LRP12: variants seen among roughly 807,000 people sequenced by gnomAD.
LRP12 encodes low-density lipoprotein receptor-related protein 12.
LRP12 carries 14 observed loss-of-function variants against 66.0 expected under a neutral mutation model. The observed-to-expected ratio is 0.21, with a 90% CI of 0.14 to 0.33. LRP12 has a LOEUF of 0.33. Among genes scored for constraint, LRP12 ranks in the 10% least tolerant of loss-of-function variants. LRP12 has a pLI of 1.00. For missense variants in LRP12, 889 were observed against 1,053.4 expected (o/e 0.84, Z 2.16); for synonymous variants, 357 against 359.1 (o/e 0.99, Z 0.07).
chr8:104,533,390 A>C (rs971835861), intron 1 of LRP12, among the ~76,000 whole-genome samples: 3 of 152,136 alleles, frequency 2.0e-5, no homozygotes, highest in Non-Finnish European at 4.4e-5. Context: ...AGGTCAGTAT[A>C]AACTGCCTAA....
chr8:104,583,165 T>A (rs1424523604), intron 1 of LRP12, among the ~76,000 whole-genome samples: 1 of 152,170 alleles, frequency 6.6e-6, no homozygotes, highest in Non-Finnish European at 1.5e-5. Context: ...ATACTCCACA[T>A]AGTAGCAAAT....
intron 2 of LRP12, among the ~76,000 whole-genome samples, chr8:104,527,680 T>G (rs1006297368): frequency 6.6e-6 from 1 of 151,908 alleles, no homozygotes; most frequent in Non-Finnish European, 1.5e-5. Flanking sequence ...TGGGGACTGT[T>G]GTGGGGTAAG....
intron 1 of LRP12, among the ~76,000 whole-genome samples, chr8:104,533,350 T>C (rs1052740327): frequency 9.9e-5 from 15 of 152,124 alleles, no homozygotes; most frequent in African/African-American, 3.4e-4. Flanking sequence ...ATGAAACTGA[T>C]TCAATAAAAC....
At chr8:104,504,499 C>A (rs946848388) in intron 3 of LRP12, 21 of 152,078 alleles carry the variant, frequency 1.4e-4, no homozygotes, top group Non-Finnish European at 1.3e-4. Context: ...ATATGTATTA[C>A]TTTCACTATG....
chr8:104,558,374 A>G (rs1459097107), intron 1 of LRP12, among the ~76,000 whole-genome samples: 1 of 152,206 alleles, frequency 6.6e-6, no homozygotes, highest in Non-Finnish European at 1.5e-5. Context: ...TCTATTCAAC[A>G]AATGATGCTG....
At chr8:104,498,791 CTTATTA>C (rs200171551) in intron 4 of LRP12, among the ~76,000 whole-genome samples, 258 of 152,228 alleles carry the variant, frequency 1.7e-3, no homozygotes, top group African/African-American at 5.9e-3. Context: ...TTGTTAAATA[CTTATTA>C]TTATTCCATG....
rs542276833 is a variant in LRP12, at chr8:104,554,260, T to A, written c.80-22297A>T. Among the ~76,000 whole-genome samples, 9 of 152,248 alleles carry A rather than the reference T, an allele frequency of 5.9e-5. No individual in the cohort carries two copies. In the East Asian group the frequency reaches 1.5e-3, roughly 26 times the overall value. On this transcript the variant is annotated intron_variant, in intron 1 of 6. Coordinates refer to ENST00000276654, the MANE Select transcript of LRP12 (RefSeq NM_013437.5). ...ATCACACTAGCTCACCAGCAATGGA[T>A]CCAAACCAAGAAGAAATCTCTGACT...
chr8:104,551,692 G>A (rs1811727563), intron 1 of LRP12, among the ~76,000 whole-genome samples: 1 of 152,098 alleles, frequency 6.6e-6, no homozygotes, highest in Non-Finnish European at 1.5e-5. Context: ...TCATGATTTT[G>A]TTCTTTATGG....
chr8:104,555,358 T>G (rs970713030), intron 1 of LRP12, among the ~76,000 whole-genome samples: 1 of 152,092 alleles, frequency 6.6e-6, no homozygotes, highest in Non-Finnish European at 1.5e-5. Flanking sequence ...AATCCTCCAC[T>G]TAGAAGACAT....
intron 3 of LRP12, 113 bp from the exon 4 acceptor site, chr8:104,499,632 G>A: frequency 9.6e-6 from 6 of 624,534 alleles, no homozygotes; most frequent in Non-Finnish European, 1.6e-5. Context: ...TGATTCTCCT[G>A]GGTTTTCTAG....
At chr8:104,585,092 CA>C (rs112737980) in intron 1 of LRP12, among the ~76,000 whole-genome samples, 2,567 of 152,312 alleles carry the variant, frequency 0.017, 71 homozygotes, top group African/African-American at 0.058. Context: ...TATCACAAGT[CA>C]ATCAGTATAT....
chr8:104,527,231 G>A (rs1207608628), intron 2 of LRP12, among the ~76,000 whole-genome samples: 1 of 143,040 alleles, frequency 7.0e-6, no homozygotes, highest in Non-Finnish European at 1.5e-5. Flanking sequence ...TACACTGTTG[G>A]TGGGACTGTA....
intron 1 of LRP12, among the ~76,000 whole-genome samples, chr8:104,541,562 T>C (rs1014583489): frequency 2.6e-5 from 4 of 152,222 alleles, no homozygotes; most frequent in African/African-American, 9.6e-5. Flanking sequence ...GTTTTTAGTA[T>C]ATTCAGGAAG....
chr8:104,553,275 C>A (rs779494017), intron 1 of LRP12, among the ~76,000 whole-genome samples: 12 of 152,156 alleles, frequency 7.9e-5, no homozygotes, highest in Non-Finnish European at 1.3e-4. Flanking sequence ...GCACAGAAGT[C>A]TTGGCAGGGG....
chr8:104,514,101 G>C (rs775495753), intron 2 of LRP12, among the ~76,000 whole-genome samples: 4 of 152,140 alleles, frequency 2.6e-5, no homozygotes, highest in Non-Finnish European at 4.4e-5. Flanking sequence ...AGGCCTCACA[G>C]AGATTAAAAC....
At chr8:104,549,720 G>A (rs879895033) in intron 1 of LRP12, among the ~76,000 whole-genome samples, 2 of 152,018 alleles carry the variant, frequency 1.3e-5, no homozygotes, top group African/African-American at 4.8e-5. Context: ...TCTTAAAGTT[G>A]GAGAAAACCA....
intron 1 of LRP12, among the ~76,000 whole-genome samples, chr8:104,556,588 C>T (rs1220230167): frequency 1.1e-4 from 17 of 151,918 alleles, no homozygotes; most frequent in Non-Finnish European, 1.5e-5. Context: ...AAACTCTGAA[C>T]AGATCAATAA....
chr8:104,495,655 G>C (rs1389892482), intron 5 of LRP12: 1 of 153,476 alleles, frequency 6.5e-6, no homozygotes, highest in African/African-American at 2.4e-5. Context: ...GGGCGCCGTG[G>C]CTCACACCTG....
chr8:104,494,505 T>C (rs1284198378), intron 6 of LRP12, among the ~76,000 whole-genome samples: 1 of 152,172 alleles, frequency 6.6e-6, no homozygotes, highest in Non-Finnish European at 1.5e-5. Context: ...AATGAATAAA[T>C]CCTTATGCCT....
Sources: gnomAD v4.1 joint callset for allele counts (sites outside exome capture counted in the v4.1 genomes callset) on GRCh38, gnomAD v4.1.1 for gene constraint, MANE v1.5 for transcripts, NCBI Gene and HGNC (gene_info 2026-07-23, HGNC 2026-07-21) for gene names.